TTC28: variants seen among roughly 807,000 people sequenced by gnomAD.
TTC28 encodes tetratricopeptide repeat protein 28.
In TTC28, 61 loss-of-function variants were observed where a neutral mutation model predicts 198.0. The ratio of observed to expected loss-of-function variants is 0.31; its 90% CI spans 0.25 to 0.38. TTC28 has a LOEUF of 0.38. Among genes scored for constraint, TTC28 ranks in the 10% least tolerant of loss-of-function variants. The pLI is 1.00. For missense variants in TTC28, 2,678 were observed against 3,164.0 expected, an observed-to-expected ratio of 0.85 and a Z score of 3.69; for synonymous variants, 1,171 against 1,297.8, an observed-to-expected ratio of 0.90 and a Z score of 2.10.
At chr22:28,371,468 C>CCACTG (rs2046330403) in intron 2 of TTC28, among the ~76,000 whole-genome samples, 1 of 104,908 alleles carries the variant, frequency 9.5e-6, no homozygotes. Flanking sequence ...CCAGATTGCA[C>CCACTG]CACTGCACTC....
chr22:28,144,508 CA>C (rs1943415758), intron 6 of TTC28, among the ~76,000 whole-genome samples: 1 of 152,160 alleles, frequency 6.6e-6, no homozygotes, highest in Admixed American at 6.5e-5. Flanking sequence ...TCTGGAAAGC[CA>C]AAATTGCTGT....
chr22:28,136,144 T>A (rs547814857), intron 6 of TTC28, among the ~76,000 whole-genome samples: 9 of 152,320 alleles, frequency 5.9e-5, no homozygotes, highest in African/African-American at 2.2e-4. Flanking sequence ...AGTTTCAAAA[T>A]GCTTACGTTT....
intron 2 of TTC28, among the ~76,000 whole-genome samples, chr22:28,363,297 G>GC (rs1237447102): frequency 6.6e-6 from 1 of 152,234 alleles, no homozygotes; most frequent in Non-Finnish European, 1.5e-5. Context: ...GAGGGTAGAA[G>GC]CCTGAAGCCT....
chr22:28,134,112 A>G (rs1467743481), intron 6 of TTC28, among the ~76,000 whole-genome samples: 1 of 152,142 alleles, frequency 6.6e-6, no homozygotes, highest in African/African-American at 2.4e-5. Flanking sequence ...TCTGGAGTGG[A>G]CTCCAGCAAA....
intron 5 of TTC28, among the ~76,000 whole-genome samples, chr22:28,275,734 A>C (rs1473190570): frequency 6.6e-6 from 1 of 151,570 alleles, no homozygotes; most frequent in Non-Finnish European, 1.5e-5. Flanking sequence ...AAGGGGAGAA[A>C]GTTTAAACAA....
chr22:28,293,985 T>C (rs1288111807), intron 5 of TTC28, among the ~76,000 whole-genome samples: 1 of 152,298 alleles, frequency 6.6e-6, no homozygotes, highest in African/African-American at 2.4e-5. Flanking sequence ...AAAGTCTTAA[T>C]AATCAGAAAC....
At chr22:28,442,563 A>G (rs532964221) in intron 2 of TTC28, among the ~76,000 whole-genome samples, 1 of 152,324 alleles carries the variant, frequency 6.6e-6, no homozygotes, top group South Asian at 2.1e-4. Context: ...ATGGGGCAAC[A>G]CCTAGTAGGT....
At chr22:28,478,556 G>A (rs1166017387) in intron 2 of TTC28, among the ~76,000 whole-genome samples, 1 of 141,532 alleles carries the variant, frequency 7.1e-6, no homozygotes, top group African/African-American at 2.6e-5. Context: ...CATGCATGTT[G>A]AAATATTTTT....
chr22:28,205,174 T>C (rs1460324423), intron 5 of TTC28, among the ~76,000 whole-genome samples: 2 of 151,924 alleles, frequency 1.3e-5, no homozygotes, highest in African/African-American at 4.8e-5. Context: ...ATGAATACAG[T>C]GAAGATAAAG....
At chr22:28,217,854 T>G (rs1174605975) in intron 5 of TTC28, among the ~76,000 whole-genome samples, 1 of 152,198 alleles carries the variant, frequency 6.6e-6, no homozygotes, top group Admixed American at 6.6e-5. Flanking sequence ...AAATAACACA[T>G]TTTTATGAAA....
intron 12 of TTC28, among the ~76,000 whole-genome samples, chr22:28,071,587 TG>T (rs1940970096): frequency 4.2e-5 from 2 of 47,064 alleles, no homozygotes; most frequent in East Asian, 4.4e-4. Flanking sequence ...TGTGGTGGGG[TG>T]GGGGGGAGCG....
intron 6 of TTC28, among the ~76,000 whole-genome samples, chr22:28,114,634 C>T (rs1170678328): frequency 6.7e-6 from 1 of 149,408 alleles, no homozygotes; most frequent in Non-Finnish European, 1.5e-5. Context: ...TGCTGGAGTG[C>T]AGTGGCATGA....
intron 12 of TTC28, among the ~76,000 whole-genome samples, chr22:28,084,088 G>A (rs370261236): frequency 1.8e-4 from 28 of 152,224 alleles, no homozygotes; most frequent in African/African-American, 6.0e-4. Flanking sequence ...TCTGGGGGCA[G>A]GGCACAGACA....
chr22:27,992,621 G>A lies in TTC28; in HGVS notation c.5519C>T (p.Thr1840Ile). The change falls in exon 19 of 23, where the codon ACT becomes ATT. Residue 1840 changes from threonine (T) to isoleucine (I), a missense_variant. By Grantham distance (89) the Thr-to-Ile change is moderately conservative (BLOSUM62 -1). This residue lies in a region of TTC28 where 314 missense variants were observed against 442.7 expected (regional missense o/e 0.71). Coordinates refer to ENST00000397906, the MANE Select transcript of TTC28 (RefSeq NM_001145418.2). ...GAGCTGCTCGCCCGTCTCGGAGGCA[G>A]TGATGAGTTTGCAAAGGGCTTGGAG... ...PALQALCKLI[T>I]ASETGEQLIS... 1 of 1,551,670 alleles carries A rather than the reference G, an allele frequency of 6.4e-7. No homozygotes were observed. Among genetic ancestry groups the A allele is most frequent in the Non-Finnish European group, 8.7e-7 (1 of 1,146,988 alleles).
At chr22:28,608,047 A>T (rs1226504240) in intron 2 of TTC28, among the ~76,000 whole-genome samples, 1 of 152,214 alleles carries the variant, frequency 6.6e-6, no homozygotes, top group Non-Finnish European at 1.5e-5. Flanking sequence ...AGAACTTGTC[A>T]AAATCAACTT....
At chr22:28,043,263 A>G (rs1939734391) in intron 12 of TTC28, among the ~76,000 whole-genome samples, 2 of 150,262 alleles carry the variant, frequency 1.3e-5, no homozygotes, top group Admixed American at 6.6e-5. Context: ...AAAAAAAAAA[A>G]AAAAAAGAAA....
intron 1 of TTC28, among the ~76,000 whole-genome samples, chr22:28,646,458 AT>A (rs2051468178): frequency 1.3e-5 from 2 of 152,248 alleles, no homozygotes; most frequent in African/African-American, 4.8e-5. Context: ...AAAAATCAAT[AT>A]TGTGAAAATG....
At chr22:28,278,205 A>G (rs2044509352) in intron 5 of TTC28, among the ~76,000 whole-genome samples, 1 of 152,146 alleles carries the variant, frequency 6.6e-6, no homozygotes, top group Non-Finnish European at 1.5e-5. Context: ...AATTATATCA[A>G]ACTACATAAA....
chr22:28,469,780 CT>C (rs1286783343), intron 2 of TTC28, among the ~76,000 whole-genome samples: 1 of 152,104 alleles, frequency 6.6e-6, no homozygotes, highest in Non-Finnish European at 1.5e-5. Context: ...TAATTTCAGA[CT>C]TTTGAGCTTC....
Sources: gnomAD v4.1 joint callset for allele counts (sites outside exome capture counted in the v4.1 genomes callset) on GRCh38, gnomAD v4.1.1 for gene constraint, gnomAD v4.1.1 regional missense constraint, MANE v1.5 for transcripts, NCBI Gene and HGNC (gene_info 2026-07-23, HGNC 2026-07-21) for gene names.